UFM1: variants seen among roughly 807,000 people sequenced by gnomAD.
UFM1 encodes the protein ubiquitin fold modifier 1, also known as ubiquitin-fold modifier 1.
A neutral mutation model predicts 15.4 loss-of-function variants in UFM1; 9 were observed. The observed-to-expected ratio is 0.59, with a 90% CI of 0.35 to 1.02. The LOEUF (loss-of-function observed/expected upper bound fraction) is 1.02. UFM1 is among the 50% of genes least tolerant of loss of function. The pLI, the probability that UFM1 is intolerant of heterozygous loss-of-function variation, is 0.02. For missense variants in UFM1, 98 were observed against 104.7 expected, an observed-to-expected ratio of 0.94 and a Z score of 0.28; for synonymous variants, 27 against 36.3, an observed-to-expected ratio of 0.74 and a Z score of 0.92.
intron 3 of UFM1, chr13:38,354,610 A>G (rs1047160891): frequency 1.9e-5 from 4 of 211,856 alleles, no homozygotes; most frequent in African/African-American, 6.9e-5. Context: ...ATATCACATT[A>G]TATTCTATAT....
Position 38,354,242 on chromosome 13 carries a change from CAG to C in UFM1, c.64_65del (p.Ser22CysfsTer3), listed in dbSNP as rs1422851719. 6.2e-7 allele frequency: 1 copy of C among 1,609,056 alleles called. No homozygotes were observed. The highest frequency in any genetic ancestry group is 1.7e-5 in the Admixed American group (1 of 59,778). ...SDPRLPYKVL[S>X]VPESTPFTAV... ...TGTTTTAAAATTCTTCTTGCAGACT[CAG>C]TGTTCCTGAAAGTACACCTTTCACA... On this transcript the variant is annotated frameshift_variant, in exon 3 of 6. Coordinates refer to ENST00000239878, the MANE Select transcript of UFM1 (RefSeq NM_016617.4). LOFTEE classifies it high-confidence loss of function.
chr13:38,359,910 C>T (rs951911962), intron 5 of UFM1: 4 of 201,868 alleles, frequency 2.0e-5, no homozygotes, highest in African/African-American at 9.5e-5. Context: ...AAAATGTAAT[C>T]TCTTAGGCTT....
Position 38,361,687 on chromosome 13 carries a change from G to A in UFM1, c.*909G>A, listed in dbSNP as rs1413830278. The A allele has an allele frequency of 1.3e-5, 2 of 152,172 alleles. No individual in the cohort carries two copies. Among genetic ancestry groups the A allele is most frequent in the Non-Finnish European group, 2.9e-5 (2 of 68,040 alleles). 9.4% of individuals were successfully genotyped at this position (152,172 alleles called of 1,614,324 possible). A position where few individuals can be genotyped will look rare whatever the true frequency, so the allele number is the denominator to read the frequency against. ...TTGAAAACCCAACTTTTAAGGAAGT[G>A]CTAAGATCAGTCACCCATGTGAATA... On this transcript the variant is annotated 3_prime_UTR_variant, in exon 6 of 6. Transcript: ENST00000239878.
intron 4 of UFM1, among the ~76,000 whole-genome samples, chr13:38,358,768 A>G (rs1256828675): frequency 6.6e-6 from 1 of 152,002 alleles, no homozygotes; most frequent in African/African-American, 2.4e-5. Context: ...TGTAACTTAG[A>G]TAAGGTAGAA....
chr13:38,354,214 A>C (rs750744162), intron 2 of UFM1, 25 bp from the exon 3 acceptor site: 53 of 1,603,758 alleles, frequency 3.3e-5, no homozygotes, highest in Non-Finnish European at 4.0e-5. Context: ...CTTTAAAAGA[A>C]ACTGTTTTAA....
chr13:38,352,088 T>G (rs192546224), intron 2 of UFM1, among the ~76,000 whole-genome samples: 153 of 144,464 alleles, frequency 1.1e-3, no homozygotes, highest in African/African-American at 3.7e-3. Context: ...AAGTTTGTTT[T>G]TTTTTCTTTC....
chr13:38,354,435 G>T, intron 3 of UFM1, 139 bp downstream of exon 3: 1 of 556,126 alleles, frequency 1.8e-6, no homozygotes. Context: ...AAAGTAGGAT[G>T]ATAGTTAAGA....
chr13:38,360,454 A>G (rs1879317868), intron 5 of UFM1, among the ~76,000 whole-genome samples: 1 of 152,032 alleles, frequency 6.6e-6, no homozygotes, highest in South Asian at 2.1e-4. Flanking sequence ...TGATTAAATT[A>G]TTCACAGTTA....
At chr13:38,354,922 ATTAG>A (rs1434107983) in intron 3 of UFM1, 1 of 151,972 alleles carries the variant, frequency 6.6e-6, no homozygotes, top group Admixed American at 6.6e-5. Flanking sequence ...TAGGTGCGTC[ATTAG>A]TTAGCTATGT....
intron 2 of UFM1, 55 bp from the exon 3 acceptor site, chr13:38,354,184 G>T: frequency 1.3e-6 from 2 of 1,562,850 alleles, no homozygotes; most frequent in South Asian, 1.1e-5. Context: ...GAACAAAGGG[G>T]CTTTTTTAGA....
intron 3 of UFM1, among the ~76,000 whole-genome samples, chr13:38,356,415 A>G (rs947580075): frequency 2.6e-5 from 4 of 151,808 alleles, no homozygotes; most frequent in African/African-American, 9.7e-5. Context: ...ATGCATTTTT[A>G]AGTTTACTTA....
intron 3 of UFM1, among the ~76,000 whole-genome samples, chr13:38,355,536 T>C (rs1325424862): frequency 6.6e-6 from 1 of 151,940 alleles, no homozygotes; most frequent in Non-Finnish European, 1.5e-5. Flanking sequence ...GTGTGTCCTT[T>C]ATAATGCAAA....
chr13:38,360,023 ATTATG>A (rs1879297832), intron 5 of UFM1: 1 of 378,520 alleles, frequency 2.6e-6, no homozygotes, highest in African/African-American at 2.1e-5. Flanking sequence ...TTGTAACAAA[ATTATG>A]TTGTTTTCAC....
chr13:38,352,423 T>G (rs896461973), intron 2 of UFM1, among the ~76,000 whole-genome samples: 1 of 152,132 alleles, frequency 6.6e-6, no homozygotes, highest in Non-Finnish European at 1.5e-5. Flanking sequence ...GTCCACAGAG[T>G]TAATCTCGCC....
intron 4 of UFM1, 32 bp downstream of exon 4, chr13:38,358,164 T>A: frequency 7.4e-7 from 1 of 1,350,624 alleles, no homozygotes. Flanking sequence ...ATGTATTACC[T>A]CAAATTTATA....
chr13:38,353,284 A>G (rs763092194), intron 2 of UFM1, among the ~76,000 whole-genome samples: 16 of 152,140 alleles, frequency 1.1e-4, no homozygotes, highest in Non-Finnish European at 2.2e-4. Context: ...CTTAAGAACA[A>G]TACAATAATA....
chr13:38,357,409 A>C (rs1879151901), intron 3 of UFM1, among the ~76,000 whole-genome samples: 1 of 151,976 alleles, frequency 6.6e-6, no homozygotes, highest in South Asian at 2.1e-4. Context: ...TGATCTGGGC[A>C]TAAATTGACA....
chr13:38,354,556 C>T (rs1431193868), intron 3 of UFM1: 2 of 332,496 alleles, frequency 6.0e-6, no homozygotes, highest in Non-Finnish European at 1.1e-5. Context: ...TTTATGAAAA[C>T]TAAAAAGGTG....
intron 3 of UFM1, among the ~76,000 whole-genome samples, chr13:38,355,476 G>C (rs1339670843): frequency 6.6e-6 from 1 of 151,878 alleles, no homozygotes; most frequent in Non-Finnish European, 1.5e-5. Flanking sequence ...TTAAGAAGTA[G>C]ATCTATATAA....
Sources: allele counts gnomAD v4.1 joint callset (sites outside exome capture counted in the v4.1 genomes callset), GRCh38; gene constraint gnomAD v4.1.1; transcripts MANE v1.5; gene names NCBI Gene and HGNC (gene_info 2026-07-23, HGNC 2026-07-21).